The following EPDR1 variants were observed in gnomAD, a reference collection of about 807,000 sequenced individuals.
EPDR1 encodes the protein mammalian ependymin-related protein 1.
EPDR1 carries 27 observed loss-of-function variants against 23.7 expected under a neutral mutation model. The observed-to-expected ratio is 1.14, with a 90% CI of 0.84 to 1.57. EPDR1 has a LOEUF of 1.57. Ranked by LOEUF, EPDR1 falls within the 40% of genes most tolerant of loss-of-function variation. The probability of loss-of-function intolerance (pLI) is 0.00; values close to 1 mark genes in which losing one functional copy is unlikely to be tolerated. For synonymous variants in EPDR1, 137 were observed against 118.2 expected (o/e 1.16, Z -1.03); for missense variants, 349 against 290.4 (o/e 1.20, Z -1.47).
intron 1 of EPDR1, among the ~76,000 whole-genome samples, chr7:37,922,249 A>T (rs1785721989): frequency 6.6e-6 from 1 of 152,242 alleles, no homozygotes; most frequent in Non-Finnish European, 1.5e-5. Flanking sequence ...ACCAAACTTG[A>T]TAATATCATT....
At chr7:37,948,423 A>G (rs1786326321) in intron 1 of EPDR1, among the ~76,000 whole-genome samples, 2 of 151,492 alleles carry the variant, frequency 1.3e-5, no homozygotes, top group Non-Finnish European at 2.9e-5. Context: ...GGCTCACTGA[A>G]GCTTTGAACT....
chr7:37,948,520 T>A (rs990092387), intron 1 of EPDR1, among the ~76,000 whole-genome samples: 4 of 151,794 alleles, frequency 2.6e-5, no homozygotes, highest in African/African-American at 4.8e-5. Context: ...ATTTTTAAAA[T>A]TTTTTTTCTA....
chr7:37,922,084 C>T (rs1785718447), intron 1 of EPDR1, among the ~76,000 whole-genome samples: 1 of 152,148 alleles, frequency 6.6e-6, no homozygotes, highest in South Asian at 2.1e-4. Context: ...GTCTCCCTTC[C>T]AGAGCCCTGC....
Position 37,921,033 on chromosome 7 carries a change from A to G in EPDR1, c.94A>G (p.Ser32Gly). Residue 32 changes from serine (S) to glycine (G), a missense_variant, in exon 1 of 3, where the codon AGC becomes GGC. Ser to Gly is a moderately conservative substitution (Grantham distance 56). Transcript: ENST00000199448. ...LWAWTLCGLC[S>G]LGAVGAPRPC... ...GGCCTGGACCCTGTGCGGCCTGTGC[A>G]GCCTGGGGGCGGTGGGAGCCCCGCG... 1 of 1,527,556 alleles carries G rather than the reference A, an allele frequency of 6.5e-7. No homozygotes were observed. Among genetic ancestry groups the G allele is most frequent in the African/African-American group, 1.4e-5 (1 of 72,138 alleles). 94.6% of individuals were successfully genotyped at this position (1,527,556 alleles called of 1,614,324 possible).
At chr7:37,921,259 G>A in intron 1 of EPDR1, 51 bp downstream of exon 1, 2 of 1,532,422 alleles carry the variant, frequency 1.3e-6, no homozygotes, top group South Asian at 1.2e-5. Context: ...GCGGGCATGG[G>A]GAGGGCGAGG....
In EPDR1 at chr7:37,950,737, G is replaced by A. The variant is rs879252069; in HGVS notation, c.*341G>A. Reference sequence around the variant, plus strand: ...AGGGAAGGGTCAGTAAGAGAAGTTTGCCTTGGCAGCAAGTATTTATTGTTG... The same window carrying A: ...AGGGAAGGGTCAGTAAGAGAAGTTTACCTTGGCAGCAAGTATTTATTGTTG... On this transcript the variant is annotated 3_prime_UTR_variant, in exon 3 of 3. Coordinates refer to ENST00000199448, the MANE Select transcript of EPDR1 (RefSeq NM_017549.5). The A allele has an allele frequency of 8.2e-5, 17 of 208,260 alleles. No homozygotes were observed. The South Asian group carries it at 2.2e-3, about 27-fold the overall frequency. The allele number at this position is 208,260 out of a possible 1,614,324, so 12.9% of individuals were successfully genotyped here. A position where few individuals can be genotyped will look rare whatever the true frequency, so the allele number is the denominator to read the frequency against.
intron 1 of EPDR1, among the ~76,000 whole-genome samples, chr7:37,946,494 T>A (rs751655049): frequency 6.6e-6 from 1 of 152,220 alleles, no homozygotes; most frequent in Non-Finnish European, 1.5e-5. Context: ...GATGTTGGGC[T>A]TTTTTTCCTA....
At chr7:37,933,748 A>T (rs1203328928) in intron 1 of EPDR1, among the ~76,000 whole-genome samples, 1 of 152,350 alleles carries the variant, frequency 6.6e-6, no homozygotes, top group East Asian at 1.9e-4. Flanking sequence ...GAAGGCTCTC[A>T]TAGAGATTTT....
At chr7:37,939,674 C>A (rs189595007) in intron 1 of EPDR1, among the ~76,000 whole-genome samples, 1 of 152,072 alleles carries the variant, frequency 6.6e-6, no homozygotes, top group Admixed American at 6.6e-5. Flanking sequence ...ACACATTTTC[C>A]GTGAACTTTT....
At chr7:37,939,307 T>C (rs1786123003) in intron 1 of EPDR1, among the ~76,000 whole-genome samples, 1 of 152,082 alleles carries the variant, frequency 6.6e-6, no homozygotes, top group African/African-American at 2.4e-5. Context: ...CAAATTGATG[T>C]GGATGAACTG....
chr7:37,928,565 A>T (rs1402424641), intron 1 of EPDR1, among the ~76,000 whole-genome samples: 2 of 152,190 alleles, frequency 1.3e-5, no homozygotes, highest in East Asian at 3.9e-4. Context: ...CAAAAGCAAG[A>T]AGCTCTACAT....
At chr7:37,930,847 G>A (rs1486691836) in intron 1 of EPDR1, among the ~76,000 whole-genome samples, 1 of 152,146 alleles carries the variant, frequency 6.6e-6, no homozygotes, top group African/African-American at 2.4e-5. Context: ...GCCTCAAAAA[G>A]GTCAATTTCT....
rs111676835 is a variant in EPDR1, at chr7:37,950,113, T to C, written c.479-87T>C. On this transcript the variant is annotated intron_variant, in intron 2 of 2. Coordinates refer to ENST00000199448, the MANE Select transcript of EPDR1 (RefSeq NM_017549.5). ...AAAAATGGTAAAATGGTAAATTTTATGTTATGTACATTTTACCACCATAAG... is the reference window on the plus strand; with the variant it reads ...AAAAATGGTAAAATGGTAAATTTTACGTTATGTACATTTTACCACCATAAG... 636 of 962,790 alleles carry C rather than the reference T, an allele frequency of 6.6e-4. 2 individuals are homozygous for C. Among genetic ancestry groups the C allele is most frequent in the Middle Eastern group, 5.5e-3 (20 of 3,642 alleles). The allele number at this position is 962,790 out of a possible 1,614,324, so 59.6% of individuals were successfully genotyped here. A position where few individuals can be genotyped will look rare whatever the true frequency, so the allele number is the denominator to read the frequency against.
At chr7:37,943,397 T>C (rs564422723) in intron 1 of EPDR1, among the ~76,000 whole-genome samples, 3 of 152,340 alleles carry the variant, frequency 2.0e-5, no homozygotes, top group African/African-American at 4.8e-5. Flanking sequence ...ATTACTCATC[T>C]CAACCGTGGC....
At chr7:37,930,017 G>T (rs1785900527) in intron 1 of EPDR1, among the ~76,000 whole-genome samples, 1 of 152,174 alleles carries the variant, frequency 6.6e-6, no homozygotes, top group Non-Finnish European at 1.5e-5. Context: ...GTTACCCTCA[G>T]TCCCCCCAAA....
intron 1 of EPDR1, among the ~76,000 whole-genome samples, chr7:37,923,324 T>A (rs1785747891): frequency 6.6e-6 from 1 of 152,138 alleles, no homozygotes; most frequent in African/African-American, 2.4e-5. Flanking sequence ...ATTAGGGAAG[T>A]ATTGAAGAGG....
At chr7:37,945,573 C>T (rs1332518700) in intron 1 of EPDR1, among the ~76,000 whole-genome samples, 2 of 152,312 alleles carry the variant, frequency 1.3e-5, no homozygotes, top group Middle Eastern at 6.8e-3. Flanking sequence ...TGAAAAACTT[C>T]CATTGCCTAG....
intron 1 of EPDR1, among the ~76,000 whole-genome samples, chr7:37,947,239 A>T (rs575741241): frequency 1.2e-4 from 18 of 152,272 alleles, no homozygotes; most frequent in Non-Finnish European, 2.6e-4. Flanking sequence ...AATGCTTACC[A>T]TTGTGTTACA....
intron 1 of EPDR1, among the ~76,000 whole-genome samples, chr7:37,942,658 A>C (rs1016511785): frequency 6.6e-6 from 1 of 152,218 alleles, no homozygotes; most frequent in African/African-American, 2.4e-5. Context: ...ATTTAGAAGA[A>C]TATATGTCCA....
Sources: allele counts gnomAD v4.1 joint callset (sites outside exome capture counted in the v4.1 genomes callset), GRCh38; gene constraint gnomAD v4.1.1; transcripts MANE v1.5; gene names NCBI Gene and HGNC (gene_info 2026-07-23, HGNC 2026-07-21).